Variants in NREP observed in about 807,000 individuals in gnomAD.
The protein encoded by NREP is neuronal regeneration related protein, also known as neuronal regeneration-related protein.
In NREP, 5 loss-of-function variants were observed where a neutral mutation model predicts 8.6. That is an observed-to-expected ratio of 0.58 (90% CI 0.30 to 1.22). NREP has a LOEUF of 1.22. Ranked by LOEUF, NREP falls within the 50% of genes most tolerant of loss-of-function variation. The probability of loss-of-function intolerance (pLI) is 0.07; values close to 1 mark genes in which losing one functional copy is unlikely to be tolerated. For missense variants in NREP, 86 were observed against 82.5 expected, an observed-to-expected ratio of 1.04 and a Z score of -0.17; for synonymous variants, 27 against 28.0, an observed-to-expected ratio of 0.96 and a Z score of 0.11.
intron 2 of NREP, among the ~76,000 whole-genome samples, chr5:111,970,104 G>C (rs369189823): frequency 6.6e-6 from 1 of 152,054 alleles, no homozygotes; most frequent in Non-Finnish European, 1.5e-5. Context: ...TCTTTTCTAG[G>C]TTGTGTACAA....
rs138181589 is a variant in NREP, at chr5:111,847,504, T to C, written c.136-111997A>G. ...TAAACAGTCCATAGCACATATTACA[T>C]TTAACAAACTAATGTGATATAAGTA... On this transcript the variant is annotated intron_variant, in intron 2 of 3. Transcript: ENST00000395634. Among the ~76,000 whole-genome samples, 193 of 152,284 alleles carry C rather than the reference T, an allele frequency of 1.3e-3. 2 individuals carry two copies. The highest frequency in any genetic ancestry group is 9.1e-3 in the East Asian group (47 of 5,182).
At position 111,747,968 on chromosome 5, in the gene NREP, G is replaced by A. The variant is rs73223655; in HGVS notation, c.3+7802C>T. On this transcript the variant is annotated intron_variant, in intron 2 of 3. Transcript: ENST00000257435. ...ACCCTGTGAAACCAGGGCAGATTTG[G>A]TCTACTGTCATGACTGCCTCAGTCA... Among the ~76,000 whole-genome samples the A allele has an allele frequency of 4.6e-3, 698 of 152,246 alleles. 2 individuals are homozygous for A. The highest frequency in any genetic ancestry group is 0.016 in the African/African-American group (647 of 41,552).
intron 2 of NREP, among the ~76,000 whole-genome samples, chr5:111,949,831 G>C (rs1476222824): frequency 6.6e-6 from 1 of 152,046 alleles, no homozygotes; most frequent in Non-Finnish European, 1.5e-5. Flanking sequence ...GTCTATCATT[G>C]ATGGGCATTT....
chr5:111,916,052 C>T (rs1755047839), intron 2 of NREP, among the ~76,000 whole-genome samples: 1 of 152,158 alleles, frequency 6.6e-6, no homozygotes, highest in African/African-American at 2.4e-5. Flanking sequence ...CATAAGAAGG[C>T]ATCAAACCTC....
In NREP at chr5:111,753,939, T is replaced by C. The variant is rs150777604; in HGVS notation, c.3+1831A>G. 1.5e-3 allele frequency among the ~76,000 whole-genome samples: 236 copies of C among 152,282 alleles called. 1 individual carries two copies. The highest frequency in any genetic ancestry group is 0.011 in the Admixed American group (162 of 15,308). On this transcript the variant is annotated intron_variant, in intron 2 of 3. Transcript: ENST00000257435. ...TTTTACATTAATATGTGCAAAGACTTTTAAGATCTCAAGACTTTCTGGAAA... is the reference window on the plus strand; with the variant it reads ...TTTTACATTAATATGTGCAAAGACTCTTAAGATCTCAAGACTTTCTGGAAA...
intron 2 of NREP, among the ~76,000 whole-genome samples, chr5:111,872,757 T>C (rs531691641): frequency 1.2e-4 from 19 of 152,328 alleles, no homozygotes; most frequent in Admixed American, 9.8e-4. Context: ...TAAATATTTG[T>C]ATTTGTGACA....
chr5:111,844,419 G>A (rs539190029), intron 2 of NREP, among the ~76,000 whole-genome samples: 1 of 151,414 alleles, frequency 6.6e-6, no homozygotes, highest in African/African-American at 2.4e-5. Context: ...TATTTTTACA[G>A]TTAATGAATA....
At chr5:111,931,809 C>G (rs1486155014) in intron 2 of NREP, among the ~76,000 whole-genome samples, 1 of 152,068 alleles carries the variant, frequency 6.6e-6, no homozygotes, top group Non-Finnish European at 1.5e-5. Flanking sequence ...GGTTCATTCT[C>G]TCTTTTTTTG....
chr5:111,910,240 G>T (rs1754875246), intron 2 of NREP, among the ~76,000 whole-genome samples: 1 of 151,934 alleles, frequency 6.6e-6, no homozygotes, highest in African/African-American at 2.4e-5. Flanking sequence ...ACCAAAGAAG[G>T]ATAATACTCA....
chr5:111,933,028 C>A (rs977577070), intron 2 of NREP, among the ~76,000 whole-genome samples: 2 of 152,010 alleles, frequency 1.3e-5, no homozygotes, highest in East Asian at 1.9e-4. Flanking sequence ...AGAGAGGGAG[C>A]TTTGAGGAGG....
At chr5:111,738,635 C>G (rs940605999) in intron 2 of NREP, 5 of 151,778 alleles carry the variant, frequency 3.3e-5, no homozygotes, top group African/African-American at 7.3e-5. Context: ...AACAGAGTTT[C>G]TGCCTTCTAG....
At chr5:111,972,047 CAAAT>C (rs1756835474) in intron 2 of NREP, among the ~76,000 whole-genome samples, 1 of 151,908 alleles carries the variant, frequency 6.6e-6, no homozygotes, top group Admixed American at 6.6e-5. Context: ...AGCAAGAAAA[CAAAT>C]AACCCTATTT....
intron 2 of NREP, among the ~76,000 whole-genome samples, chr5:111,931,010 G>C (rs576936910): frequency 3.3e-5 from 5 of 152,252 alleles, no homozygotes; most frequent in African/African-American, 1.2e-4. Context: ...ATACAGCTAA[G>C]ACACTGAGCA....
chr5:111,757,292 G>T (rs977539901), upstream of NREP: 5 of 597,712 alleles, frequency 8.4e-6, no homozygotes, highest in South Asian at 2.2e-4. Context: ...AGAGGAGGGA[G>T]GAGGGGGAAG....
intron 2 of NREP, among the ~76,000 whole-genome samples, chr5:111,802,035 TAAC>T (rs1752020072): frequency 6.6e-6 from 1 of 152,122 alleles, no homozygotes; most frequent in Non-Finnish European, 1.5e-5. Context: ...GACCATAGAA[TAAC>T]AGCCTCCAGA....
At chr5:111,899,925 A>G (rs762758458) in intron 2 of NREP, among the ~76,000 whole-genome samples, 12 of 152,142 alleles carry the variant, frequency 7.9e-5, no homozygotes, top group Non-Finnish European at 1.6e-4. Context: ...AAAATCAACA[A>G]AGAAACATCA....
intron 2 of NREP, among the ~76,000 whole-genome samples, chr5:111,829,372 A>G (rs1231258038): frequency 6.6e-6 from 1 of 152,208 alleles, no homozygotes; most frequent in Non-Finnish European, 1.5e-5. Flanking sequence ...CAGAGAAACC[A>G]GTTAAGACTC....
At chr5:111,822,903 C>G (rs1752541942) in intron 2 of NREP, among the ~76,000 whole-genome samples, 1 of 152,052 alleles carries the variant, frequency 6.6e-6, no homozygotes, top group Admixed American at 6.5e-5. Flanking sequence ...AAATAAGAAT[C>G]AAGTAAAAAT....
intron 2 of NREP, among the ~76,000 whole-genome samples, chr5:111,941,423 T>C (rs1755825952): frequency 6.6e-6 from 1 of 152,066 alleles, no homozygotes; most frequent in South Asian, 2.1e-4. Flanking sequence ...AATTGATTTC[T>C]TCTGAGGCCT....
Sources: gnomAD v4.1 joint callset for allele counts (sites outside exome capture counted in the v4.1 genomes callset) on GRCh38, gnomAD v4.1.1 for gene constraint, MANE v1.5 for transcripts, NCBI Gene and HGNC (gene_info 2026-07-23, HGNC 2026-07-21) for gene names.